KIF15: variants seen among roughly 807,000 people sequenced by gnomAD.
The protein encoded by KIF15 is kinesin-like protein KIF15.
KIF15 carries 140 observed loss-of-function variants against 190.6 expected under a neutral mutation model. The ratio of observed to expected loss-of-function variants is 0.73; its 90% CI spans 0.64 to 0.84. The LOEUF (loss-of-function observed/expected upper bound fraction) is 0.84, where lower values mean the gene tolerates loss of function less well. Ranked by LOEUF, KIF15 falls within the 40% of genes least tolerant of loss-of-function variation. The pLI, the probability that KIF15 is intolerant of heterozygous loss-of-function variation, is 0.00. For missense variants in KIF15, 1,372 were observed against 1,584.4 expected, an observed-to-expected ratio of 0.87 and a Z score of 2.28; for synonymous variants, 528 against 551.3, an observed-to-expected ratio of 0.96 and a Z score of 0.59.
rs755472897 is a variant in KIF15, at chr3:44,801,464, A to G, written c.1237A>G (p.Asn413Asp). 1 of 1,565,846 alleles carries G rather than the reference A, an allele frequency of 6.4e-7. No individual in the cohort carries two copies. The highest frequency in any genetic ancestry group is 1.1e-5 in the South Asian group (1 of 88,774). Residue 413 changes from asparagine to aspartate, a missense_variant, in exon 12 of 35, where the codon AAC becomes GAC. Coordinates refer to ENST00000326047, the MANE Select transcript of KIF15 (RefSeq NM_020242.3). ...ATCAATTACAGACAAAAAGAAGACT[A>G]ACTATATGGAGTATTTCCAGGAAGC... ...SFLTRDKKKT[N>D]YMEYFQEAML...
At chr3:44,850,541 G>A (rs3804580) in intron 32 of KIF15, among the ~76,000 whole-genome samples, 68,321 of 152,006 alleles carry the variant, frequency 0.45, 16,641 homozygotes, top group East Asian at 0.83. Context: ...ACTTCACTGC[G>A]GGCAAGTGAA....
chr3:44,853,963 T>C (rs772132460), downstream of KIF15, among the ~76,000 whole-genome samples: 1 of 152,220 alleles, frequency 6.6e-6, no homozygotes, highest in Non-Finnish European at 1.5e-5. Context: ...AGATAGAAAG[T>C]AAATCATTGG....
chr3:44,768,323 TG>T (rs1377891546), intron 1 of KIF15, among the ~76,000 whole-genome samples: 14 of 152,068 alleles, frequency 9.2e-5, no homozygotes, highest in Non-Finnish European at 2.1e-4. Context: ...CAAGATTTTT[TG>T]CTCCTTAGCT....
intron 6 of KIF15, among the ~76,000 whole-genome samples, chr3:44,865,945 A>C (rs1699317091): frequency 6.6e-6 from 1 of 152,108 alleles, no homozygotes; most frequent in South Asian, 2.1e-4. Context: ...TGGGAAAGAA[A>C]GTGGTTCAGA....
chr3:44,827,169 T>G, intron 22 of KIF15: 1 of 393,668 alleles, frequency 2.5e-6, no homozygotes. Context: ...CCTCGTGGAT[T>G]TTAACTTCTA....
chr3:44,812,540 A>G (rs1707832555), intron 18 of KIF15, among the ~76,000 whole-genome samples: 1 of 152,246 alleles, frequency 6.6e-6, no homozygotes, highest in Non-Finnish European at 1.5e-5. Context: ...GACTTAGTCA[A>G]TAATGCAAAT....
At chr3:44,800,707 T>C (rs756217269) in intron 11 of KIF15, among the ~76,000 whole-genome samples, 5 of 152,244 alleles carry the variant, frequency 3.3e-5, no homozygotes, top group South Asian at 2.1e-4. Context: ...CTACGTAGCA[T>C]ATGTAATCTA....
intron 1 of KIF15, among the ~76,000 whole-genome samples, chr3:44,762,229 T>A (rs1424633780): frequency 6.6e-6 from 1 of 152,208 alleles, no homozygotes; most frequent in African/African-American, 2.4e-5. Flanking sequence ...TCTCTAGATA[T>A]CCTTGTCTCA....
At chr3:44,794,536 G>C (rs1424877963) in intron 8 of KIF15, 110 bp downstream of exon 8, 1 of 786,956 alleles carries the variant, frequency 1.3e-6, no homozygotes, top group Non-Finnish European at 2.0e-6. Flanking sequence ...TTTATGATGG[G>C]GGTCCCTTAA....
intron 26 of KIF15, among the ~76,000 whole-genome samples, chr3:44,837,135 C>T (rs1698361092): frequency 6.6e-6 from 1 of 152,140 alleles, no homozygotes; most frequent in Non-Finnish European, 1.5e-5. Context: ...CCATAAACAT[C>T]AGTTCTAGGG....
intron 30 of KIF15, among the ~76,000 whole-genome samples, chr3:44,847,648 G>T (rs1289550791): frequency 2.0e-5 from 3 of 152,048 alleles, no homozygotes; most frequent in African/African-American, 4.8e-5. Flanking sequence ...CTTTCTTTCA[G>T]CCCCCTTTTG....
chr3:44,841,070 T>C lies in KIF15; in HGVS notation c.3421-4T>C, dbSNP rs371891438. The stretch of plus-strand genomic sequence containing the variant: ...TATTTGGATGAGATGTGATTTTATT[T>C]TAGAGTCCTAAGACACCACCTCACT... On this transcript the variant is annotated splice_region_variant and splice_polypyrimidine_tract_variant and intron_variant, in intron 28 of 34. Transcript: ENST00000326047. The C allele has an allele frequency of 1.2e-6, 2 of 1,600,438 alleles. No individual in the cohort carries two copies. Among genetic ancestry groups the C allele is most frequent in the Non-Finnish European group, 1.7e-6 (2 of 1,175,282 alleles).
chr3:44,778,579 T>C (rs1261219395), intron 4 of KIF15, among the ~76,000 whole-genome samples: 1 of 152,190 alleles, frequency 6.6e-6, no homozygotes, highest in Admixed American at 6.5e-5. Flanking sequence ...AATGATTAGA[T>C]TGGCCCCTCC....
At chr3:44,793,037 A>C (rs1210569422) in intron 7 of KIF15, among the ~76,000 whole-genome samples, 3 of 152,232 alleles carry the variant, frequency 2.0e-5, no homozygotes. Context: ...AGCTTGTTAG[A>C]AATGCAAAAT....
At position 44,775,382 on chromosome 3, in the gene KIF15, A is replaced by T. The variant is rs1705827403; in HGVS notation, c.191A>T (p.Asn64Ile). The part of the protein sequence containing the change: ...LSSTSLRLHS[N>I]PEPKTFTFDH... ...TCCACGAGTCTCCGGCTGCACTCCA[A>T]CCCTGAGCCCAAGACCTTCACGTTT... The change falls in exon 3 of 35, where the codon AAC (asparagine) becomes ATC (isoleucine). Residue 64 changes from asparagine (N) to isoleucine (I), a missense_variant. By Grantham distance (149) the Asn-to-Ile change is moderately radical (BLOSUM62 -3). Transcript: ENST00000326047. The T allele has an allele frequency of 1.2e-6, 2 of 1,613,826 alleles. No homozygotes were observed. Among genetic ancestry groups the T allele is most frequent in the African/African-American group, 1.3e-5 (1 of 74,874 alleles).
intron 6 of KIF15, among the ~76,000 whole-genome samples, chr3:44,868,171 T>C (rs1178966778): frequency 2.0e-5 from 3 of 152,382 alleles, no homozygotes; most frequent in East Asian, 3.8e-4. Context: ...TCTATAGATT[T>C]GCCTGTTGTG....
chr3:44,766,223 C>T (rs2125890013), intron 1 of KIF15, among the ~76,000 whole-genome samples: 1 of 152,270 alleles, frequency 6.6e-6, no homozygotes, highest in South Asian at 2.1e-4. Context: ...TGGGCTGATT[C>T]TTCCTTTAGG....
chr3:44,859,879 T>G (rs560438354), intron 6 of KIF15, among the ~76,000 whole-genome samples: 26 of 152,322 alleles, frequency 1.7e-4, no homozygotes, highest in African/African-American at 6.3e-4. Flanking sequence ...AATCTTCATC[T>G]TAGCAAGATC....
At chr3:44,794,851 A>C (rs1044956919) in intron 8 of KIF15, among the ~76,000 whole-genome samples, 38 of 152,120 alleles carry the variant, frequency 2.5e-4, no homozygotes, top group Admixed American at 5.9e-4. Context: ...AGTCCCAGCT[A>C]CTTGGGAGAC....
Sources: allele counts gnomAD v4.1 joint callset (sites outside exome capture counted in the v4.1 genomes callset), GRCh38; gene constraint gnomAD v4.1.1; transcripts MANE v1.5; gene names NCBI Gene and HGNC (gene_info 2026-07-23, HGNC 2026-07-21).